FOXP1: variants seen among roughly 807,000 people sequenced by gnomAD.
The protein encoded by FOXP1 is forkhead box protein P1.
FOXP1 carries 15 observed loss-of-function variants against 98.2 expected under a neutral mutation model. The ratio of observed to expected loss-of-function variants is 0.15; its 90% CI spans 0.10 to 0.24. The LOEUF (loss-of-function observed/expected upper bound fraction) is 0.24. FOXP1 is among the 10% of genes least tolerant of loss of function. The pLI, the probability that FOXP1 is intolerant of heterozygous loss-of-function variation, is 1.00. For synonymous variants in FOXP1, 371 were observed against 314.5 expected, an observed-to-expected ratio of 1.18 and a Z score of -1.90; for missense variants, 633 against 848.5, an observed-to-expected ratio of 0.75 and a Z score of 3.15.
chr3:71,442,453 T>C (rs1265074377), intron 3 of FOXP1, among the ~76,000 whole-genome samples: 2 of 152,060 alleles, frequency 1.3e-5, no homozygotes, highest in Non-Finnish European at 2.9e-5. Flanking sequence ...CACTGGTGAT[T>C]TCCTCTGAAT....
At chr3:71,456,154 C>T (rs984631084) in intron 3 of FOXP1, among the ~76,000 whole-genome samples, 9 of 152,046 alleles carry the variant, frequency 5.9e-5, no homozygotes, top group African/African-American at 2.2e-4. Context: ...TAGCAACAGC[C>T]CTTCCCTAGC....
intron 1 of FOXP1, chr3:71,582,054 C>T: frequency 1.0e-6 from 1 of 975,140 alleles, no homozygotes; most frequent in Non-Finnish European, 1.2e-6. Flanking sequence ...CTTATTCTCA[C>T]AGGGGGCGGG....
chr3:71,135,680 A>G (rs771242440), intron 6 of FOXP1, among the ~76,000 whole-genome samples: 1 of 152,210 alleles, frequency 6.6e-6, no homozygotes, highest in Non-Finnish European at 1.5e-5. Flanking sequence ...AAAACTGTGA[A>G]AAGTTTAACT....
In FOXP1 at chr3:70,958,255, C is replaced by T. The variant is rs758107528; in HGVS notation, c.*992G>A. On this transcript the variant is annotated 3_prime_UTR_variant, in exon 21 of 21. Coordinates refer to ENST00000649528, the MANE Select transcript of FOXP1 (RefSeq NM_001349338.3). Reference sequence around the variant, plus strand: ...AAATCCGAAACACCCCTCCCCCGAACCACCCCCAATACTGCTGCGTGGAAT... The same window carrying T: ...AAATCCGAAACACCCCTCCCCCGAATCACCCCCAATACTGCTGCGTGGAAT... 1 of 517,580 alleles carries T rather than the reference C, an allele frequency of 1.9e-6. No individual in the cohort carries two copies. The allele number at this position is 517,580 out of a possible 1,614,324, so 32.1% of individuals were successfully genotyped here. A position where few individuals can be genotyped will look rare whatever the true frequency, so the allele number is the denominator to read the frequency against.
chr3:71,289,599 T>C (rs1281879490), intron 5 of FOXP1: 1 of 152,242 alleles, frequency 6.6e-6, no homozygotes, highest in Non-Finnish European at 1.5e-5. Flanking sequence ...TGATCTTTCC[T>C]GTTCTCAATA....
chr3:71,452,932 CCAA>C lies in FOXP1; in HGVS notation c.-168+40491_-168+40493del, dbSNP rs559388436. On this transcript the variant is annotated intron_variant, in intron 3 of 20. Transcript: ENST00000649528. ...GGCATCTGTAGAAAAATCAGAAAATCCAACAATATGGCCCAAAGTCCTGACAAC... is the reference window on the plus strand; with the variant it reads ...GGCATCTGTAGAAAAATCAGAAAATCCAATATGGCCCAAAGTCCTGACAAC... Among the ~76,000 whole-genome samples the C allele has an allele frequency of 5.0e-3, 755 of 152,252 alleles. 5 individuals carry two copies. Among genetic ancestry groups the C allele is most frequent in the African/African-American group, 0.016 (675 of 41,550 alleles).
Position 71,561,245 on chromosome 3 carries a change from G to A in FOXP1, c.-298+20304C>T, listed in dbSNP as rs561322673. 8.6e-5 allele frequency among the ~76,000 whole-genome samples: 13 copies of A among 151,906 alleles called. No homozygotes were observed. The East Asian group carries it at 2.3e-3, about 27-fold the overall frequency. ...CTCATTTTGTATTTTTAGTAGAGAC[G>A]GGATTTCACCTTGTTGGCCAGGCTG... is the stretch of plus-strand genomic sequence containing the variant. On this transcript the variant is annotated intron_variant, in intron 2 of 20. Transcript: ENST00000649528.
chr3:71,256,938 A>G (rs1173827337), intron 5 of FOXP1, among the ~76,000 whole-genome samples: 1 of 152,124 alleles, frequency 6.6e-6, no homozygotes, highest in Non-Finnish European at 1.5e-5. Context: ...TTCCTATCTT[A>G]GCCATCTTCT....
At chr3:71,337,608 G>T (rs1263492128) in intron 4 of FOXP1, among the ~76,000 whole-genome samples, 1 of 152,022 alleles carries the variant, frequency 6.6e-6, no homozygotes, top group African/African-American at 2.4e-5. Context: ...TAATAACAAA[G>T]GGCATATACC....
chr3:70,958,896 C>T lies in FOXP1; in HGVS notation c.*351G>A, dbSNP rs1167644327. On this transcript the variant is annotated 3_prime_UTR_variant, in exon 21 of 21. Transcript: ENST00000649528. The stretch of plus-strand genomic sequence containing the variant: ...AGCTCTGTCGGGCGTCCTCAGTGTC[C>T]AACGTTGGCAGGACTGCAGTTCAAA... 2 of 414,980 alleles carry T rather than the reference C, an allele frequency of 4.8e-6. No homozygotes were observed. Among genetic ancestry groups the T allele is most frequent in the East Asian group, 8.4e-5 (2 of 23,794 alleles). 25.7% of individuals were successfully genotyped at this position (414,980 alleles called of 1,614,324 possible). A position where few individuals can be genotyped will look rare whatever the true frequency, so the allele number is the denominator to read the frequency against.
chr3:71,112,388 T>C (rs1303737689), intron 7 of FOXP1, 148 bp downstream of exon 7: 2 of 673,300 alleles, frequency 3.0e-6, no homozygotes, highest in Non-Finnish European at 5.3e-6. Flanking sequence ...TTCCCCAAAA[T>C]GTTACAACTT....
At chr3:71,291,956 C>T (rs181282045) in intron 5 of FOXP1, among the ~76,000 whole-genome samples, 1,703 of 152,154 alleles carry the variant, frequency 0.011, 12 homozygotes, top group Non-Finnish European at 0.019. Context: ...CTGCCTGCCT[C>T]GGCCTCCCAA....
At chr3:71,138,933 C>T (rs1423136133) in intron 6 of FOXP1, among the ~76,000 whole-genome samples, 1 of 152,048 alleles carries the variant, frequency 6.6e-6, no homozygotes, top group East Asian at 1.9e-4. Context: ...ATATTTATTA[C>T]CTATAATCAC....
At chr3:71,355,129 G>A (rs1356734041) in intron 4 of FOXP1, among the ~76,000 whole-genome samples, 1 of 152,198 alleles carries the variant, frequency 6.6e-6, no homozygotes, top group Non-Finnish European at 1.5e-5. Flanking sequence ...TACAATAAAG[G>A]TGATGTGTGT....
chr3:71,215,760 T>G (rs1306408617), intron 5 of FOXP1, among the ~76,000 whole-genome samples: 1 of 152,220 alleles, frequency 6.6e-6, no homozygotes, highest in East Asian at 1.9e-4. Context: ...AGAGCAACAC[T>G]AACTTTCTGG....
chr3:70,979,094 C>CT (rs1308978483), intron 14 of FOXP1, among the ~76,000 whole-genome samples: 5 of 151,412 alleles, frequency 3.3e-5, no homozygotes, highest in Admixed American at 1.3e-4. Context: ...TGGTGAAACT[C>CT]TGTCTCCATT....
intron 5 of FOXP1, among the ~76,000 whole-genome samples, chr3:71,284,507 G>A (rs1020535653): frequency 5.9e-5 from 9 of 152,220 alleles, no homozygotes; most frequent in African/African-American, 2.2e-4. Context: ...AGGCTGTAGT[G>A]AGCTATAATC....
At chr3:71,348,117 GTCTC>G (rs893872553) in intron 4 of FOXP1, among the ~76,000 whole-genome samples, 6 of 151,844 alleles carry the variant, frequency 4.0e-5, no homozygotes, top group African/African-American at 1.5e-4. Flanking sequence ...TGTGAATGTG[GTCTC>G]TCTCTCTCTA....
rs1214731325 is a variant in FOXP1, at chr3:71,001,021, G to A, written c.1013C>T (p.Thr338Ile). The A allele has an allele frequency of 6.2e-7, 1 of 1,613,534 alleles. No individual in the cohort carries two copies. Among genetic ancestry groups the A allele is most frequent in the Non-Finnish European group, 8.5e-7 (1 of 1,179,546 alleles). The change falls in exon 13 of 21, where the codon ACA becomes ATA. Residue 338 changes from threonine (T) to isoleucine (I), a missense_variant. Coordinates refer to ENST00000649528, the MANE Select transcript of FOXP1 (RefSeq NM_001349338.3). The part of the protein sequence containing the change: ...NSEHALDDRS[T>I]AQCRVQMQVV... ...CTGCATTTGTACTCTACATTGGGCTGTACTTCTATCGTCCAGCGCATGCTC... is the reference window on the plus strand; with the variant it reads ...CTGCATTTGTACTCTACATTGGGCTATACTTCTATCGTCCAGCGCATGCTC...
Sources: gnomAD v4.1 joint callset for allele counts (sites outside exome capture counted in the v4.1 genomes callset) on GRCh38, gnomAD v4.1.1 for gene constraint, MANE v1.5 for transcripts, NCBI Gene and HGNC (gene_info 2026-07-23, HGNC 2026-07-21) for gene names.